The following TANGO6 variants were observed in gnomAD, a reference collection of about 807,000 sequenced individuals.
TANGO6 encodes transport and golgi organization 6 homolog, also known as transport and Golgi organization protein 6 homolog.
In TANGO6, 90 loss-of-function variants were observed where a neutral mutation model predicts 114.2. The ratio of observed to expected loss-of-function variants is 0.79; its 90% CI spans 0.66 to 0.94. TANGO6 has a LOEUF of 0.94. Ranked by LOEUF, TANGO6 falls within the 40% of genes least tolerant of loss-of-function variation. The pLI, the probability that TANGO6 is intolerant of heterozygous loss-of-function variation, is 0.00. For missense variants in TANGO6, 1,274 were observed against 1,315.3 expected (o/e 0.97, Z 0.49); for synonymous variants, 477 against 509.8 (o/e 0.94, Z 0.87).
intron 17 of TANGO6, among the ~76,000 whole-genome samples, chr16:69,076,254 G>A (rs984205777): frequency 1.5e-4 from 22 of 148,714 alleles, no homozygotes; most frequent in Admixed American, 6.1e-4. Context: ...ACCACGCCTG[G>A]CTAATTTTTG....
chr16:68,857,415 A>T (rs80082297), intron 1 of TANGO6, among the ~76,000 whole-genome samples: 1 of 151,724 alleles, frequency 6.6e-6, no homozygotes, highest in Non-Finnish European at 1.5e-5. Context: ...CTAAAAAAAA[A>T]TCCTTTCACC....
chr16:68,861,475 T>C (rs1417123145), intron 2 of TANGO6, among the ~76,000 whole-genome samples: 3 of 152,198 alleles, frequency 2.0e-5, no homozygotes, highest in Non-Finnish European at 4.4e-5. Flanking sequence ...GGGGCCTTTA[T>C]GTGATAGGAG....
intron 17 of TANGO6, among the ~76,000 whole-genome samples, chr16:69,066,357 T>G (rs1960213694): frequency 6.6e-6 from 1 of 152,144 alleles, no homozygotes; most frequent in African/African-American, 2.4e-5. Context: ...TGCAATGGCG[T>G]GATCTTGGCT....
chr16:68,908,849 C>G (rs1962886123), intron 10 of TANGO6, among the ~76,000 whole-genome samples: 1 of 152,100 alleles, frequency 6.6e-6, no homozygotes, highest in African/African-American at 2.4e-5. Flanking sequence ...CAAACCATTT[C>G]TTTGTGTGTG....
intron 14 of TANGO6, among the ~76,000 whole-genome samples, chr16:68,952,047 A>C (rs1184004074): frequency 1.3e-5 from 2 of 152,178 alleles, no homozygotes; most frequent in Non-Finnish European, 2.9e-5. Flanking sequence ...ATTCATATAG[A>C]CTAGCTGTCA....
chr16:68,990,815 A>G (rs1372976878), intron 15 of TANGO6, among the ~76,000 whole-genome samples: 1 of 152,204 alleles, frequency 6.6e-6, no homozygotes, highest in East Asian at 1.9e-4. Context: ...TTTGGAGTTT[A>G]TGTTGATTTT....
chr16:69,070,218 A>G (rs1281964060), intron 17 of TANGO6, among the ~76,000 whole-genome samples: 3 of 151,998 alleles, frequency 2.0e-5, no homozygotes, highest in African/African-American at 7.3e-5. Context: ...AAAAAAAAAG[A>G]AAAAGAAAAG....
chr16:69,020,330 G>A (rs897007262), intron 15 of TANGO6, among the ~76,000 whole-genome samples: 15 of 152,178 alleles, frequency 9.9e-5, no homozygotes, highest in Admixed American at 2.6e-4. Context: ...TGCAAAGACT[G>A]CTAAGACCTG....
intron 15 of TANGO6, among the ~76,000 whole-genome samples, chr16:68,990,369 A>G (rs1262770541): frequency 6.6e-6 from 1 of 152,306 alleles, no homozygotes; most frequent in African/African-American, 2.4e-5. Flanking sequence ...AGGTAAAGAG[A>G]GAATGAGAAC....
At chr16:69,044,746 G>C (rs1255925472) in intron 17 of TANGO6, among the ~76,000 whole-genome samples, 1 of 152,180 alleles carries the variant, frequency 6.6e-6, no homozygotes, top group Admixed American at 6.6e-5. Flanking sequence ...AGCAGGGTGT[G>C]TTGGCACATG....
At chr16:68,912,278 G>A (rs1445796118) in intron 11 of TANGO6, among the ~76,000 whole-genome samples, 3 of 151,970 alleles carry the variant, frequency 2.0e-5, no homozygotes, top group South Asian at 2.1e-4. Context: ...CAGGAGGATT[G>A]CCTGAGCCCA....
chr16:68,849,753 A>G (rs1961871364), intron 1 of TANGO6, among the ~76,000 whole-genome samples: 1 of 152,180 alleles, frequency 6.6e-6, no homozygotes, highest in South Asian at 2.1e-4. Flanking sequence ...TAGAAAATGA[A>G]AATAAATCTT....
At chr16:69,028,004 G>A (rs1381146267) in intron 16 of TANGO6, among the ~76,000 whole-genome samples, 1 of 151,866 alleles carries the variant, frequency 6.6e-6, no homozygotes, top group East Asian at 1.9e-4. Context: ...CTGTTGCCCA[G>A]GCTGGAGTGC....
At chr16:68,867,027 A>G in intron 3 of TANGO6, 52 bp from the exon 4 acceptor site, 6 of 1,249,334 alleles carry the variant, frequency 4.8e-6, no homozygotes, top group Non-Finnish European at 5.4e-6. Context: ...ACGCCCGGCC[A>G]TCATATCTAT....
At chr16:69,060,729 C>G (rs1041176859) in intron 17 of TANGO6, among the ~76,000 whole-genome samples, 2 of 152,158 alleles carry the variant, frequency 1.3e-5, no homozygotes, top group African/African-American at 4.8e-5. Context: ...CATGGTGGCT[C>G]ACACCTGTAA....
chr16:68,954,064 A>C (rs1297819982), intron 14 of TANGO6, among the ~76,000 whole-genome samples: 3 of 151,856 alleles, frequency 2.0e-5, no homozygotes, highest in Non-Finnish European at 2.9e-5. Flanking sequence ...ACATGGTGAA[A>C]CCTCGTCTCT....
chr16:69,075,982 C>T (rs1049928039), intron 17 of TANGO6, among the ~76,000 whole-genome samples: 6 of 151,476 alleles, frequency 4.0e-5, no homozygotes, highest in Non-Finnish European at 8.8e-5. Context: ...CCAGGATGGT[C>T]TCAATCTCCT....
At chr16:68,878,343 GAAA>G (rs1441150467) in intron 6 of TANGO6, 63 bp downstream of exon 6, 4 of 1,504,732 alleles carry the variant, frequency 2.7e-6, no homozygotes, top group Non-Finnish European at 3.5e-6. Context: ...ATTTCACGTT[GAAA>G]TGATTTAAAT....
chr16:69,004,982 C>G (rs550970364), intron 15 of TANGO6, among the ~76,000 whole-genome samples: 1 of 152,244 alleles, frequency 6.6e-6, no homozygotes, highest in East Asian at 1.9e-4. Context: ...GACTCTAACC[C>G]ACAATTCTAG....
Sources: gnomAD v4.1 joint callset for allele counts (sites outside exome capture counted in the v4.1 genomes callset) on GRCh38, gnomAD v4.1.1 for gene constraint, MANE v1.5 for transcripts, NCBI Gene and HGNC (gene_info 2026-07-23, HGNC 2026-07-21) for gene names.